AGBL1: variants seen among roughly 807,000 people sequenced by gnomAD.
The protein encoded by AGBL1 is cytosolic carboxypeptidase 4.
In AGBL1, 130 loss-of-function variants were observed where a neutral mutation model predicts 118.9. The observed-to-expected ratio is 1.09, with a 90% confidence interval of 0.95 to 1.26. AGBL1 has a LOEUF of 1.26. AGBL1 is among the 50% of genes most tolerant of loss of function. The pLI is 0.00. For missense variants in AGBL1, 1,584 were observed against 1,298.1 expected (o/e 1.22, Z -3.38); for synonymous variants, 555 against 478.9 (o/e 1.16, Z -2.08).
chr15:86,782,860 G>C (rs181735556), intron 22 of AGBL1, among the ~76,000 whole-genome samples: 1 of 152,122 alleles, frequency 6.6e-6, no homozygotes, highest in Non-Finnish European at 1.5e-5. Context: ...AAAGACAGTG[G>C]GGCCATTTTT....
At chr15:86,344,597 GTCT>G (rs1419598469) in intron 17 of AGBL1, among the ~76,000 whole-genome samples, 1 of 151,652 alleles carries the variant, frequency 6.6e-6, no homozygotes, top group Non-Finnish European at 1.5e-5. Flanking sequence ...TGGATCACAG[GTCT>G]TCTGCTTGTT....
chr15:86,154,389 A>G (rs2141690124), intron 3 of AGBL1, 41 bp from the exon 4 acceptor site: 1 of 1,599,240 alleles, frequency 6.3e-7, no homozygotes. Context: ...ATCCAGAATC[A>G]ATGTGAAGTG....
intron 21 of AGBL1, among the ~76,000 whole-genome samples, chr15:86,570,547 G>A (rs937309538): frequency 5.3e-5 from 8 of 152,146 alleles, no homozygotes; most frequent in Non-Finnish European, 8.8e-5. Flanking sequence ...CACCAAATAT[G>A]GGTGTTCCCC....
chr15:86,673,985 ACAG>A (rs2085791574), intron 21 of AGBL1, among the ~76,000 whole-genome samples: 1 of 152,148 alleles, frequency 6.6e-6, no homozygotes, highest in Admixed American at 6.5e-5. Flanking sequence ...TGGGAAGGGT[ACAG>A]ATTCCTGGAT....
intron 22 of AGBL1, among the ~76,000 whole-genome samples, chr15:86,887,163 A>C (rs1024359532): frequency 2.0e-5 from 3 of 152,210 alleles, no homozygotes; most frequent in Admixed American, 1.3e-4. Flanking sequence ...TAAGGTACAT[A>C]TATGTAAAGG....
At chr15:87,024,519 C>A (rs1043890333) in intron 24 of AGBL1, among the ~76,000 whole-genome samples, 7 of 151,544 alleles carry the variant, frequency 4.6e-5, no homozygotes, top group African/African-American at 1.7e-4. Flanking sequence ...CAGGACCAGA[C>A]AGATTCCCAG....
At chr15:86,691,335 T>C (rs777437409) in intron 22 of AGBL1, among the ~76,000 whole-genome samples, 6 of 152,328 alleles carry the variant, frequency 3.9e-5, no homozygotes, top group Non-Finnish European at 7.4e-5. Flanking sequence ...CCCTGGGTGC[T>C]ATCTTCTCAC....
intron 17 of AGBL1, among the ~76,000 whole-genome samples, chr15:86,366,600 C>A (rs1041264281): frequency 2.6e-5 from 4 of 152,162 alleles, no homozygotes; most frequent in Non-Finnish European, 5.9e-5. Flanking sequence ...CCTGGCATCA[C>A]CCGTCTCTCC....
chr15:86,522,976 C>T (rs2083210155), intron 19 of AGBL1, 37 bp downstream of exon 19: 2 of 1,597,550 alleles, frequency 1.3e-6, no homozygotes, highest in Admixed American at 3.3e-5. Context: ...TTCCTGGCTG[C>T]TTCCTTCTAC....
chr15:86,827,398 CATATATATATGT>C (rs2079033224), intron 22 of AGBL1, among the ~76,000 whole-genome samples: 9 of 3,584 alleles, frequency 2.5e-3, no homozygotes, highest in African/African-American at 0.011. Context: ...TATATATATA[CATATATATATGT>C]GTATATATAT....
rs555747901 is a variant in AGBL1 at position 86,257,895 on chromosome 15, G to A, written c.902-69G>A. 3.5e-5 allele frequency: 53 copies of A among 1,512,270 alleles called. No individual in the cohort carries two copies. The East Asian group carries it at 9.5e-4, about 27-fold the overall frequency. 93.7% of individuals were successfully genotyped at this position (1,512,270 alleles called of 1,614,324 possible). On this transcript the variant is annotated intron_variant, in intron 8 of 22. Coordinates refer to ENST00000614907, the MANE Select transcript of AGBL1 (RefSeq NM_001386094.1). ...GAAGAAGAAAGAACCACTGTATGGT[G>A]AAAATCTAAATCCTAAATCCCGGGC... is the stretch of plus-strand genomic sequence containing the variant.
At chr15:86,995,148 G>T (rs1176067535) in intron 24 of AGBL1, among the ~76,000 whole-genome samples, 3 of 152,162 alleles carry the variant, frequency 2.0e-5, no homozygotes, top group Non-Finnish European at 4.4e-5. Flanking sequence ...AGAATTTTGG[G>T]AGGTCAAGGT....
In AGBL1 at chr15:86,758,790, G is replaced by GA. The variant is rs368753315; in HGVS notation, c.3158+84360dup. On this transcript the variant is annotated intron_variant, in intron 22 of 22. Coordinates refer to ENST00000614907, the MANE Select transcript of AGBL1 (RefSeq NM_001386094.1). ...AGTTTGAGACTAGCCTGGGCAACATGAAAAAACCCTGTCTCTACAAAAAAA... is the reference window on the plus strand; with the variant it reads ...AGTTTGAGACTAGCCTGGGCAACATGAAAAAAACCCTGTCTCTACAAAAAAA... Among the ~76,000 whole-genome samples, 337 of 151,546 alleles carry GA rather than the reference G, an allele frequency of 2.2e-3. 3 individuals are homozygous for GA. Among genetic ancestry groups the GA allele is most frequent in the African/African-American group, 7.5e-3 (312 of 41,370 alleles).
At chr15:86,333,991 T>C (rs188929193) in intron 17 of AGBL1, among the ~76,000 whole-genome samples, 1 of 152,278 alleles carries the variant, frequency 6.6e-6, no homozygotes, top group Non-Finnish European at 1.5e-5. Flanking sequence ...CCTTTCATAA[T>C]GAAACTCTAA....
intron 22 of AGBL1, among the ~76,000 whole-genome samples, chr15:86,721,421 C>G (rs1249191267): frequency 2.6e-5 from 4 of 152,140 alleles, no homozygotes; most frequent in African/African-American, 9.7e-5. Flanking sequence ...TCAATAGATG[C>G]AGAAAAGGCC....
At chr15:86,274,931 A>G (rs55882120) in intron 15 of AGBL1, among the ~76,000 whole-genome samples, 30,762 of 151,708 alleles carry the variant, frequency 0.2, 3,580 homozygotes, top group Non-Finnish European at 0.25. Flanking sequence ...CACCCCTTCT[A>G]TTCCACCTCC....
At chr15:86,533,095 G>T (rs2083373462) in intron 19 of AGBL1, among the ~76,000 whole-genome samples, 1 of 76,586 alleles carries the variant, frequency 1.3e-5, no homozygotes, top group South Asian at 4.1e-4. Context: ...GGCAACAAAA[G>T]CCAAAATTGA....
At chr15:86,266,847 G>C in intron 12 of AGBL1, 143 bp from the exon 13 acceptor site, 1 of 723,502 alleles carries the variant, frequency 1.4e-6, no homozygotes, top group South Asian at 1.8e-5. Context: ...GTTGCAGTGA[G>C]CTGACATCCC....
intron 24 of AGBL1, among the ~76,000 whole-genome samples, chr15:87,011,846 C>T (rs1200323211): frequency 6.6e-6 from 1 of 152,058 alleles, no homozygotes; most frequent in African/African-American, 2.4e-5. Flanking sequence ...ATTCAGAATG[C>T]CCATTGTGTA....
Sources: gnomAD v4.1 joint callset for allele counts (sites outside exome capture counted in the v4.1 genomes callset) on GRCh38, gnomAD v4.1.1 for gene constraint, MANE v1.5 for transcripts, NCBI Gene and HGNC (gene_info 2026-07-23, HGNC 2026-07-21) for gene names.